CPA1: variants seen among roughly 807,000 people sequenced by gnomAD.
CPA1 encodes the protein carboxypeptidase A1 (pancreatic).
In CPA1, 42 loss-of-function variants were observed where a neutral mutation model predicts 48.7. The observed-to-expected ratio is 0.86, with a 90% CI of 0.67 to 1.11. The LOEUF (loss-of-function observed/expected upper bound fraction) is 1.11. Among genes scored for constraint, CPA1 ranks in the 50% most tolerant of loss-of-function variants. The pLI is 0.00. For synonymous variants in CPA1, 203 were observed against 217.9 expected, an observed-to-expected ratio of 0.93 and a Z score of 0.60; for missense variants, 477 against 544.7, an observed-to-expected ratio of 0.88 and a Z score of 1.24.
At chr7:130,385,975 C>A in intron 9 of CPA1, 52 bp downstream of exon 9, 1 of 1,486,080 alleles carries the variant, frequency 6.7e-7, no homozygotes, top group Non-Finnish European at 9.4e-7. Context: ...CATCTGCTGG[C>A]TCTTCCTGAC....
chr7:130,380,660 A>G, intron 1 of CPA1, 75 bp downstream of exon 1: 1 of 847,110 alleles, frequency 1.2e-6, no homozygotes, highest in South Asian at 3.9e-5. Context: ...TAGAGGAGAC[A>G]GACAGACAGA....
At chr7:130,382,928 C>A (rs1182574326) in intron 4 of CPA1, among the ~76,000 whole-genome samples, 5 of 152,116 alleles carry the variant, frequency 3.3e-5, no homozygotes, top group African/African-American at 1.2e-4. Context: ...CAGGCATGAG[C>A]CACTGCGCCT....
chr7:130,385,376 C>T (rs782018414), intron 8 of CPA1, 31 bp downstream of exon 8: 208 of 1,606,096 alleles, frequency 1.3e-4, no homozygotes, highest in Non-Finnish European at 1.6e-4. Flanking sequence ...GCCCCCTCGT[C>T]CCCAAGGTGG....
intron 5 of CPA1, 34 bp from the exon 6 acceptor site, chr7:130,383,650 C>T: frequency 6.5e-7 from 1 of 1,544,446 alleles, no homozygotes; most frequent in Non-Finnish European, 8.9e-7. Flanking sequence ...CCTGGCCCAG[C>T]CTGCGCTGCC....
chr7:130,382,630 A>ATTTTTT (rs34457825), intron 4 of CPA1, among the ~76,000 whole-genome samples: 4 of 74,360 alleles, frequency 5.4e-5, no homozygotes, highest in African/African-American at 6.0e-5. Flanking sequence ...TGCCCGGGTA[A>ATTTTTT]TTTTTTTTTT....
Position 130,387,080 on chromosome 7 carries a change from C to T in CPA1, c.1073-744C>T, listed in dbSNP as rs1263377783. ...TGCTGGAACAACAAGACTGGTGTGG[C>T]TGCCTCCAAGTAAGTGAAGGTCAAA... On this transcript the variant is annotated intron_variant, in intron 9 of 9. Transcript: ENST00000011292. This position sits in a 1 kb window ranked among gnomAD's most constrained non-coding sequence, Gnocchi z 4.6. Among the ~76,000 whole-genome samples the T allele has an allele frequency of 6.6e-6, 1 of 152,164 alleles. No individual in the cohort carries two copies. Among genetic ancestry groups the T allele is most frequent in the East Asian group, 1.9e-4 (1 of 5,198 alleles).
In CPA1 at chr7:130,387,932, C is replaced by G; in HGVS notation, c.1181C>G (p.Ser394Cys). Residue 394 changes from serine (S) to cysteine (C), a missense_variant, in exon 10 of 10, where the codon TCC becomes TGC. Ser to Cys is a moderately radical substitution (Grantham distance 112). Coordinates refer to ENST00000011292, the MANE Select transcript of CPA1 (RefSeq NM_001868.4). This position sits in a 1 kb window ranked among gnomAD's most constrained non-coding sequence, Gnocchi z 4.6. Reference sequence around the variant, plus strand: ...CGCTATGGCTTCCTGCTGCCAGCCTCCCAGATCATCCCCACAGCCAAGGAG... The same window carrying G: ...CGCTATGGCTTCCTGCTGCCAGCCTGCCAGATCATCCCCACAGCCAAGGAG... Reference protein sequence around the residue: ...TGRYGFLLPASQIIPTAKETW... With the variant: ...TGRYGFLLPACQIIPTAKETW... 6.2e-7 allele frequency: 1 copy of G among 1,614,164 alleles called. No homozygotes were observed.
At position 130,387,803 on chromosome 7, in the gene CPA1, C is replaced by A. The variant is rs1796498871; in HGVS notation, c.1073-21C>A. ...TCCCAAAGTGATTGACCCTTTCTCT[C>A]CTATTTTACTCCTGCCCCAGATCAA... On this transcript the variant is annotated intron_variant, in intron 9 of 9. Transcript: ENST00000011292. This position sits in a 1 kb window ranked among gnomAD's most constrained non-coding sequence, Gnocchi z 4.6. The A allele has an allele frequency of 6.2e-7, 1 of 1,609,728 alleles. No individual in the cohort carries two copies. The highest frequency in any genetic ancestry group is 1.7e-5 in the Admixed American group (1 of 59,420).
chr7:130,386,518 C>T (rs535853798), intron 9 of CPA1, among the ~76,000 whole-genome samples: 29 of 152,026 alleles, frequency 1.9e-4, no homozygotes, highest in African/African-American at 3.1e-4. Flanking sequence ...GGCGACACAG[C>T]GAGACTCCAT....
intron 6 of CPA1, chr7:130,384,114 G>A: frequency 2.2e-6 from 1 of 458,726 alleles, no homozygotes; most frequent in Non-Finnish European, 4.0e-6. Context: ...GGAGGGTCAA[G>A]ATTGTCCCCA....
At chr7:130,386,507 G>C (rs549935568) in intron 9 of CPA1, among the ~76,000 whole-genome samples, 3 of 151,914 alleles carry the variant, frequency 2.0e-5, no homozygotes, top group African/African-American at 7.3e-5. Flanking sequence ...ACTCCAGCCT[G>C]GGCGACACAG....
chr7:130,387,517 C>A lies in CPA1; in HGVS notation c.1073-307C>A, dbSNP rs1796491172. 6.6e-6 allele frequency among the ~76,000 whole-genome samples: 1 copy of A among 152,194 alleles called. No individual in the cohort carries two copies. Among genetic ancestry groups the A allele is most frequent in the African/African-American group, 2.4e-5 (1 of 41,462 alleles). ...GGGAACTCGGTATATTTAGGGGCTT[C>A]ACCGAAAGGGCTGTTGGACAGAGGC... is the stretch of plus-strand genomic sequence containing the variant. On this transcript the variant is annotated intron_variant, in intron 9 of 9. Transcript: ENST00000011292. The surrounding 1 kb of genome is among the most constrained non-coding windows in gnomAD (Gnocchi z 4.6).
chr7:130,380,557 G>A lies in CPA1; in HGVS notation c.37G>A (p.Ala13Thr), dbSNP rs782668240. 1.5e-6 allele frequency: 2 copies of A among 1,316,868 alleles called. No homozygotes were observed. The highest frequency in any genetic ancestry group is 2.0e-6 in the Non-Finnish European group (2 of 1,024,726). The allele number at this position is 1,316,868 out of a possible 1,614,324, so 81.6% of individuals were successfully genotyped here. ...GLLVLSVLLG[A>T]VFGKEDFVGH... Reference sequence around the variant, plus strand: ...GCTGGTGTTGAGTGTCCTGTTGGGGGCTGTCTTTGGCAAGGAGGACTTTGT... The same window carrying A: ...GCTGGTGTTGAGTGTCCTGTTGGGGACTGTCTTTGGCAAGGAGGACTTTGT... Residue 13 changes from alanine (A) to threonine (T), a missense_variant, in exon 1 of 10, where the codon GCT becomes ACT. Ala to Thr is a moderately conservative substitution (Grantham distance 58). Coordinates refer to ENST00000011292, the MANE Select transcript of CPA1 (RefSeq NM_001868.4).
intron 1 of CPA1, 40 bp downstream of exon 1, chr7:130,380,625 TG>T (rs782170977): frequency 7.8e-6 from 9 of 1,146,780 alleles, no homozygotes; most frequent in Admixed American, 2.9e-5. Context: ...CTGAGGGTGA[TG>T]GGGAGGACTC....
Position 130,381,672 on chromosome 7 carries a change from G to A in CPA1, c.190G>A (p.Asp64Asn). ...RGPAHPGSPIDVRVPFPSIQA... is the reference protein window; with the variant it reads ...RGPAHPGSPINVRVPFPSIQA... ...GCCTGCCCACCCTGGCTCCCCCATCGACGTCCGAGTGCCCTTCCCCAGCAT... is the reference window on the plus strand; with the variant it reads ...GCCTGCCCACCCTGGCTCCCCCATCAACGTCCGAGTGCCCTTCCCCAGCAT... The change falls in exon 3 of 10, where the codon GAC becomes AAC. Residue 64 changes from aspartate to asparagine, a missense_variant. Transcript: ENST00000011292. The A allele has an allele frequency of 1.9e-6, 3 of 1,613,946 alleles. No individual in the cohort carries two copies. The highest frequency in any genetic ancestry group is 2.5e-6 in the Non-Finnish European group (3 of 1,179,976).
chr7:130,384,504 C>G lies in CPA1; in HGVS notation c.697-32C>G, dbSNP rs372247084. On this transcript the variant is annotated intron_variant, in intron 6 of 9. Coordinates refer to ENST00000011292, the MANE Select transcript of CPA1 (RefSeq NM_001868.4). Reference sequence around the variant, plus strand: ...GCACTGTGACAAGCGTCACACGTGCCTCGGGGTGGCTGATCCCATTTCCTT... The same window carrying G: ...GCACTGTGACAAGCGTCACACGTGCGTCGGGGTGGCTGATCCCATTTCCTT... The G allele has an allele frequency of 4.4e-6, 7 of 1,595,112 alleles. No homozygotes were observed. In the African/African-American group the frequency reaches 8.0e-5, roughly 18 times the overall value.
At chr7:130,385,541 A>C (rs1554411881) in intron 8 of CPA1, among the ~76,000 whole-genome samples, 196 bp downstream of exon 8, 1 of 152,204 alleles carries the variant, frequency 6.6e-6, no homozygotes, top group Non-Finnish European at 1.5e-5. Context: ...TGATGGAGTC[A>C]CTTCTGTAAT....
rs782582120 is a variant in CPA1, at chr7:130,384,540, G to C, written c.701G>C (p.Arg234Pro). 2 of 1,614,054 alleles carry C rather than the reference G, an allele frequency of 1.2e-6. No homozygotes were observed. The highest frequency in any genetic ancestry group is 1.7e-6 in the Non-Finnish European group (2 of 1,179,942). ...DGFAFTHSTN[R>P]MWRKTRSHTA... ...TGATCCCATTTCCTTCCTCAGAATC[G>C]CATGTGGCGCAAGACTCGGTCCCAC... The change falls in exon 7 of 10, where the codon CGC becomes CCC. Residue 234 changes from arginine to proline, a missense_variant. Coordinates refer to ENST00000011292, the MANE Select transcript of CPA1 (RefSeq NM_001868.4).
chr7:130,384,941 C>T (rs1796453649), intron 7 of CPA1: 11 of 620,898 alleles, frequency 1.8e-5, no homozygotes, highest in South Asian at 1.8e-4. Flanking sequence ...CGTCTTCCCT[C>T]CCTGGGTGTG....
Sources: allele counts gnomAD v4.1 joint callset (sites outside exome capture counted in the v4.1 genomes callset), GRCh38; gene constraint gnomAD v4.1.1; non-coding constraint Gnocchi (gnomAD v3.1); transcripts MANE v1.5; gene names NCBI Gene and HGNC (gene_info 2026-07-23, HGNC 2026-07-21).